The following CLIP1 variants were observed in gnomAD, a reference collection of about 807,000 sequenced individuals.
CLIP1 encodes the protein CAP-Gly domain-containing linker protein 1.
In CLIP1, 66 loss-of-function variants were observed where a neutral mutation model predicts 161.6. The ratio of observed to expected loss-of-function variants is 0.41; its 90% confidence interval spans 0.33 to 0.50. The LOEUF (loss-of-function observed/expected upper bound fraction) is 0.50, where lower values mean the gene tolerates loss of function less well. Among genes scored for constraint, CLIP1 ranks in the 20% least tolerant of loss-of-function variants. CLIP1 has a pLI of 0.27. For missense variants in CLIP1, 1,376 were observed against 1,702.0 expected, an observed-to-expected ratio of 0.81 and a Z score of 3.37; for synonymous variants, 598 against 626.2, an observed-to-expected ratio of 0.96 and a Z score of 0.67.
chr12:122,319,420 G>T, intron 17 of CLIP1, 72 bp from the exon 18 acceptor site: 1 of 1,129,264 alleles, frequency 8.9e-7, no homozygotes, highest in Non-Finnish European at 1.3e-6. Flanking sequence ...ATCGGGCTGT[G>T]CTGTTCAGGC....
intron 1 of CLIP1, among the ~76,000 whole-genome samples, chr12:122,387,466 G>A (rs1252250369): frequency 7.2e-6 from 1 of 138,156 alleles, no homozygotes; most frequent in Admixed American, 7.7e-5. Flanking sequence ...GAGGACTACT[G>A]TCACTTAAGA....
chr12:122,355,060 C>G lies in CLIP1; in HGVS notation c.1203+55G>C. The G allele has an allele frequency of 2.8e-5, 43 of 1,531,274 alleles. No individual in the cohort carries two copies. The highest frequency in any genetic ancestry group is 3.9e-5 in the Non-Finnish European group (43 of 1,112,580). The allele number at this position is 1,531,274 out of a possible 1,614,324, so 94.9% of individuals were successfully genotyped here. On this transcript the variant is annotated intron_variant, in intron 6 of 25. Coordinates refer to ENST00000620786, the MANE Select transcript of CLIP1 (RefSeq NM_001247997.2). The surrounding 1 kb of genome is among the most constrained non-coding windows in gnomAD (Gnocchi z 4.1). ...GCCAAGCACCGGGCATGCTTCTCGG[C>G]TCCTCAGTGGCTTTAGAAACCATCA...
At chr12:122,342,467 T>C (rs1952550412) in intron 10 of CLIP1, 1 of 152,200 alleles carries the variant, frequency 6.6e-6, no homozygotes, top group South Asian at 2.1e-4. Flanking sequence ...ATGTGGCTCA[T>C]CTGAAGTGAG....
In CLIP1 at chr12:122,379,944, T is replaced by TAAAAAA. The variant is rs10661606; in HGVS notation, c.85+418_85+423dup. Among the ~76,000 whole-genome samples, 92 of 99,714 alleles carry TAAAAAA rather than the reference T, an allele frequency of 9.2e-4. 2 individuals carry two copies. The highest frequency in any genetic ancestry group is 2.9e-3 in the African/African-American group (75 of 26,194). 65.4% of individuals were successfully genotyped at this position (99,714 alleles called of 152,430 possible). On this transcript the variant is annotated intron_variant, in intron 2 of 25. Transcript: ENST00000620786. ...GGGGAATAGAGCAAGACTCCATCTT[T>TAAAAAA]AAAAAAAAAAAAAAAAAATGCAAGG...
At chr12:122,324,582 T>C (rs1951637815) in intron 17 of CLIP1, among the ~76,000 whole-genome samples, 1 of 152,216 alleles carries the variant, frequency 6.6e-6, no homozygotes, top group African/African-American at 2.4e-5. Flanking sequence ...TTTTGCAAAG[T>C]GCTTCTGTAT....
chr12:122,394,260 C>A (rs189729791), intron 1 of CLIP1, among the ~76,000 whole-genome samples: 1 of 151,864 alleles, frequency 6.6e-6, no homozygotes, highest in Non-Finnish European at 1.5e-5. Context: ...GAGACTGAGG[C>A]GGGCGGATCA....
chr12:122,332,994 T>G lies in CLIP1; in HGVS notation c.2860A>C (p.Lys954Gln). The G allele has an allele frequency of 1.2e-6, 2 of 1,613,324 alleles. No homozygotes were observed. Among genetic ancestry groups the G allele is most frequent in the Non-Finnish European group, 8.5e-7 (1 of 1,179,726 alleles). Reference sequence around the variant, plus strand: ...TTCAACAGTCACATATACCTTTCTTTCAGACGTAATTCATCGTTCATTTTT... The same window carrying G: ...TTCAACAGTCACATATACCTTTCTTGCAGACGTAATTCATCGTTCATTTTT... ...LTKMNDELRL[K>Q]ERDVEELQLK... The change falls in exon 15 of 26, where the codon AAA becomes CAA. Residue 954 changes from lysine to glutamine, a missense_variant. Around this residue, in one of 6 missense-constraint regions of CLIP1, gnomAD observed 948 missense variants for 1,134.8 expected, o/e 0.84. Coordinates refer to ENST00000620786, the MANE Select transcript of CLIP1 (RefSeq NM_001247997.2).
intron 1 of CLIP1, among the ~76,000 whole-genome samples, chr12:122,421,541 C>G (rs1956943210): frequency 6.6e-6 from 1 of 152,170 alleles, no homozygotes; most frequent in African/African-American, 2.4e-5. Context: ...GAATCACACA[C>G]ACACAATTAC....
chr12:122,389,773 A>AG, intron 1 of CLIP1, among the ~76,000 whole-genome samples: 1 of 147,412 alleles, frequency 6.8e-6, no homozygotes, highest in Admixed American at 6.8e-5. Flanking sequence ...AAAAAAAAAA[A>AG]AAAAAAAAAA....
rs181014194 is a variant in CLIP1, at chr12:122,407,527, G to A, written c.-107+14994C>T. On this transcript the variant is annotated intron_variant, in intron 1 of 25. Transcript: ENST00000620786. ...AGTTCAAAACCAGCCTGGGCAACAC[G>A]GCAAAACTCCATCTCTACAAAAAAT... Among the ~76,000 whole-genome samples, 12 of 151,526 alleles carry A rather than the reference G, an allele frequency of 7.9e-5. No homozygotes were observed. The East Asian group carries it at 2.1e-3, about 27-fold the overall frequency.
At chr12:122,368,991 C>T (rs1017445874) in intron 3 of CLIP1, among the ~76,000 whole-genome samples, 4 of 150,792 alleles carry the variant, frequency 2.7e-5, no homozygotes, top group Non-Finnish European at 4.4e-5. Flanking sequence ...TTGCCTGTGA[C>T]ATGAAAGAGC....
At chr12:122,281,335 A>G (rs1463598826) in intron 21 of CLIP1, among the ~76,000 whole-genome samples, 1 of 152,204 alleles carries the variant, frequency 6.6e-6, no homozygotes, top group African/African-American at 2.4e-5. Context: ...AGGAATGTAC[A>G]GGTGCTTTTT....
chr12:122,316,939 A>T, intron 18 of CLIP1, 84 bp from the exon 19 acceptor site: 1 of 829,904 alleles, frequency 1.2e-6, no homozygotes, highest in Non-Finnish European at 1.9e-6. Flanking sequence ...GAAAATGTGT[A>T]CTGAAAAGAC....
At chr12:122,369,346 A>G (rs1483964019) in intron 3 of CLIP1, among the ~76,000 whole-genome samples, 2 of 151,958 alleles carry the variant, frequency 1.3e-5, no homozygotes, top group Non-Finnish European at 2.9e-5. Flanking sequence ...CAAGTAATAT[A>G]ATTACCTCCA....
chr12:122,275,282 AAT>A (rs1955362620), intron 24 of CLIP1: 1 of 152,164 alleles, frequency 6.6e-6, no homozygotes, highest in Non-Finnish European at 1.5e-5. Flanking sequence ...TATATTTCTG[AAT>A]ATATGGGCAC....
At chr12:122,288,361 C>A (rs1955944467) in intron 21 of CLIP1, 128 bp downstream of exon 21, 2 of 788,524 alleles carry the variant, frequency 2.5e-6, no homozygotes, top group African/African-American at 1.8e-5. Context: ...GTTACAAGTA[C>A]CAAACTATCA....
At chr12:122,385,496 T>C (rs1321103965) in intron 1 of CLIP1, among the ~76,000 whole-genome samples, 3 of 152,078 alleles carry the variant, frequency 2.0e-5, no homozygotes, top group East Asian at 1.9e-4. Context: ...CCTCTATGAA[T>C]AGCAAGGGGT....
At chr12:122,353,284 GT>G (rs1953139446) in intron 7 of CLIP1, among the ~76,000 whole-genome samples, 1 of 152,198 alleles carries the variant, frequency 6.6e-6, no homozygotes, top group South Asian at 2.1e-4. Flanking sequence ...CAAGGCTGCA[GT>G]GAGTTATGAT....
intron 25 of CLIP1, 67 bp downstream of exon 25, chr12:122,273,971 G>T: frequency 1.4e-6 from 2 of 1,441,362 alleles, no homozygotes; most frequent in Non-Finnish European, 1.9e-6. Context: ...ACCCTCAAGT[G>T]GTCCGCCCGC....
Sources: allele counts gnomAD v4.1 joint callset (sites outside exome capture counted in the v4.1 genomes callset), GRCh38; gene constraint gnomAD v4.1.1; regional missense constraint gnomAD v4.1.1; non-coding constraint Gnocchi (gnomAD v3.1); transcripts MANE v1.5; gene names NCBI Gene and HGNC (gene_info 2026-07-23, HGNC 2026-07-21).